The following TMEFF2 variants were observed in gnomAD, a reference collection of about 807,000 sequenced individuals.
The protein encoded by TMEFF2 is transmembrane protein with EGF like and two follistatin like domains 2, also known as tomoregulin-2.
TMEFF2 carries 28 observed loss-of-function variants against 53.8 expected under a neutral mutation model. That is an observed-to-expected ratio of 0.52 (90% CI 0.39 to 0.71). The LOEUF (loss-of-function observed/expected upper bound fraction) is 0.71, where lower values mean the gene tolerates loss of function less well. Ranked by LOEUF, TMEFF2 falls within the 30% of genes least tolerant of loss-of-function variation. The probability of loss-of-function intolerance (pLI) is 0.00; values close to 1 mark genes in which losing one functional copy is unlikely to be tolerated. For missense variants in TMEFF2, 353 were observed against 455.2 expected (o/e 0.78, Z 2.04); for synonymous variants, 162 against 166.3 (o/e 0.97, Z 0.20).
chr2:192,172,575 A>G (rs1242785693), intron 4 of TMEFF2, among the ~76,000 whole-genome samples: 8 of 151,948 alleles, frequency 5.3e-5, no homozygotes, highest in African/African-American at 1.9e-4. Flanking sequence ...TATCTCAAAT[A>G]CCTTAGAGTG....
At chr2:191,999,336 A>AGG in intron 5 of TMEFF2, 128 bp from the exon 6 acceptor site, 1 of 697,648 alleles carries the variant, frequency 1.4e-6, no homozygotes. Context: ...GTATCCTTCC[A>AGG]GGGAAGTTCC....
rs1290239583 is a variant in TMEFF2 at position 192,164,748 on chromosome 2, C to T, written c.439+14920G>A. 2.0e-5 allele frequency among the ~76,000 whole-genome samples: 3 copies of T among 151,070 alleles called. No homozygotes were observed. In the East Asian group the frequency reaches 5.8e-4, roughly 29 times the overall value. ...TCTCAAAAAAAAAAAAAAAAAGTAA[C>T]CACACTCTGAAATGTTTTTGCTTAT... On this transcript the variant is annotated intron_variant, in intron 4 of 9. Transcript: ENST00000272771.
intron 5 of TMEFF2, among the ~76,000 whole-genome samples, chr2:192,015,308 C>CTTTTTTTTTTTTTTTTT (rs34696715): frequency 2.6e-5 from 2 of 76,272 alleles, no homozygotes; most frequent in Non-Finnish European, 4.6e-5. Context: ...ATCACTGAAG[C>CTTTTTTTTTTTTTTTTT]TTTTTTTTTT....
chr2:192,132,478 TAAATA>T (rs1689866183), intron 4 of TMEFF2, among the ~76,000 whole-genome samples: 2 of 151,996 alleles, frequency 1.3e-5, no homozygotes, highest in East Asian at 1.9e-4. Context: ...CTCCTGACAT[TAAATA>T]AAACTCCAAA....
At chr2:192,079,963 T>C (rs977518414) in intron 4 of TMEFF2, among the ~76,000 whole-genome samples, 1 of 152,186 alleles carries the variant, frequency 6.6e-6, no homozygotes, top group Non-Finnish European at 1.5e-5. Flanking sequence ...GTCTTTTCTA[T>C]AACCAAAAGT....
intron 5 of TMEFF2, among the ~76,000 whole-genome samples, chr2:192,023,790 C>G (rs536792030): frequency 4.6e-5 from 7 of 152,250 alleles, no homozygotes; most frequent in Non-Finnish European, 8.8e-5. Flanking sequence ...CTCATCACCT[C>G]TATAGCTCCT....
At chr2:192,154,602 A>G (rs983050025) in intron 4 of TMEFF2, among the ~76,000 whole-genome samples, 2 of 151,974 alleles carry the variant, frequency 1.3e-5, no homozygotes, top group Non-Finnish European at 2.9e-5. Flanking sequence ...GGGATAACAC[A>G]TAAAGTAGCA....
intron 2 of TMEFF2, among the ~76,000 whole-genome samples, 154 bp from the exon 3 acceptor site, chr2:192,184,637 A>G (rs1386444958): frequency 6.6e-6 from 1 of 152,150 alleles, no homozygotes; most frequent in African/African-American, 2.4e-5. Flanking sequence ...GGCATCATTG[A>G]AAGATGCACA....
chr2:192,010,388 T>C (rs1274481937), intron 5 of TMEFF2, among the ~76,000 whole-genome samples: 1 of 152,154 alleles, frequency 6.6e-6, no homozygotes, highest in East Asian at 1.9e-4. Flanking sequence ...GAAATAAAAA[T>C]GCTTCTGAGT....
At chr2:192,085,486 C>T (rs1455521932) in intron 4 of TMEFF2, among the ~76,000 whole-genome samples, 1 of 152,148 alleles carries the variant, frequency 6.6e-6, no homozygotes, top group Non-Finnish European at 1.5e-5. Context: ...CTGACAGCAG[C>T]TGAAAGGCCT....
chr2:191,959,974 T>C (rs1460927004), intron 7 of TMEFF2, among the ~76,000 whole-genome samples: 1 of 152,152 alleles, frequency 6.6e-6, no homozygotes, highest in Non-Finnish European at 1.5e-5. Context: ...CCTCCTGGGC[T>C]CAAGTGATTC....
intron 5 of TMEFF2, among the ~76,000 whole-genome samples, chr2:192,028,173 A>G (rs1409803811): frequency 6.6e-6 from 1 of 151,766 alleles, no homozygotes; most frequent in Non-Finnish European, 1.5e-5. Flanking sequence ...GCCTGCTACC[A>G]TGCATGTAAG....
At chr2:191,968,533 T>C (rs564119022) in intron 7 of TMEFF2, among the ~76,000 whole-genome samples, 6 of 152,300 alleles carry the variant, frequency 3.9e-5, no homozygotes, top group Non-Finnish European at 8.8e-5. Context: ...ACATAGAACA[T>C]GCTCTTTAGA....
In TMEFF2 at chr2:192,056,331, A is replaced by G. The variant is rs573843896; in HGVS notation, c.536+1348T>C. Reference sequence around the variant, plus strand: ...GAAGATGAAGACAAAGGAGAAGGAAAAGAAGAGGAGAAGGGGAAAGACAGG... The same window carrying G: ...GAAGATGAAGACAAAGGAGAAGGAAGAGAAGAGGAGAAGGGGAAAGACAGG... On this transcript the variant is annotated intron_variant, in intron 5 of 9. Transcript: ENST00000272771. 3.3e-5 allele frequency among the ~76,000 whole-genome samples: 5 copies of G among 152,194 alleles called. No homozygotes were observed. In the South Asian group the frequency reaches 1.0e-3, roughly 32 times the overall value.
At chr2:192,190,011 C>T (rs544501993) in intron 2 of TMEFF2, among the ~76,000 whole-genome samples, 1 of 152,288 alleles carries the variant, frequency 6.6e-6, no homozygotes, top group Non-Finnish European at 1.5e-5. Context: ...GTTTCCACTC[C>T]CCCATCTATT....
intron 4 of TMEFF2, among the ~76,000 whole-genome samples, chr2:192,153,220 T>C (rs984056094): frequency 6.6e-6 from 1 of 151,846 alleles, no homozygotes; most frequent in Non-Finnish European, 1.5e-5. Flanking sequence ...AACCAAATTA[T>C]ATTTTTCTAT....
chr2:192,176,325 T>G (rs2106029658), intron 4 of TMEFF2, among the ~76,000 whole-genome samples: 1 of 151,404 alleles, frequency 6.6e-6, no homozygotes, highest in Middle Eastern at 3.4e-3. Flanking sequence ...AAAACAAACG[T>G]TTTTGTTCGA....
intron 5 of TMEFF2, 117 bp downstream of exon 5, chr2:192,057,557 TGGGAA>T: frequency 1.1e-6 from 1 of 917,910 alleles, no homozygotes; most frequent in African/African-American, 1.7e-5. Flanking sequence ...TTTTTTCACT[TGGGAA>T]CTGAATAAGA....
intron 4 of TMEFF2, among the ~76,000 whole-genome samples, chr2:192,131,980 G>A (rs932315108): frequency 3.3e-5 from 5 of 152,006 alleles, no homozygotes; most frequent in African/African-American, 1.2e-4. Context: ...CCTAGTCTCT[G>A]TGCCCAGTGC....
Sources: allele counts gnomAD v4.1 joint callset (sites outside exome capture counted in the v4.1 genomes callset), GRCh38; gene constraint gnomAD v4.1.1; transcripts MANE v1.5; gene names NCBI Gene and HGNC (gene_info 2026-07-23, HGNC 2026-07-21).